NBDY: variants seen among roughly 807,000 people sequenced by gnomAD.
NBDY encodes the protein negative regulator of P-body association, also known as P-body dissociating protein.
rs148353328 is a variant in NBDY at position 56,749,825 on chromosome X, C to T, written c.*166+17626C>T. 4.5e-3 allele frequency among the ~76,000 whole-genome samples: 496 copies of T among 110,239 alleles called. 2 individuals are homozygous for T. Among genetic ancestry groups the T allele is most frequent in the African/African-American group, 0.015 (466 of 30,277 alleles). On this transcript the variant is annotated intron_variant, in intron 2 of 2. Transcript: ENST00000374922. ...TGCCGTCATGCCCAGCTAATTTTTG[C>T]GTTTGTTGTAGAAACGGGGTTTTGC...
At chrX:56,752,802 G>T (rs2069592284) in intron 2 of NBDY, among the ~76,000 whole-genome samples, 2 of 110,074 alleles carry the variant, frequency 1.8e-5, no homozygotes, top group South Asian at 7.9e-4. Context: ...TAGAGACGGG[G>T]GTTTCACCAT....
chrX:56,810,125 G>A (rs1353103168), intron 2 of NBDY, among the ~76,000 whole-genome samples: 1 of 111,908 alleles, frequency 8.9e-6, no homozygotes, highest in Non-Finnish European at 1.9e-5. Flanking sequence ...GAGACCTGCT[G>A]TTAGTCTGAT....
intron 2 of NBDY, among the ~76,000 whole-genome samples, chrX:56,746,309 A>G (rs1204991105): frequency 1.8e-5 from 2 of 110,219 alleles, no homozygotes; most frequent in African/African-American, 6.6e-5. Flanking sequence ...CTCTATATTG[A>G]TCATTTTTAA....
chrX:56,796,296 A>G (rs754656100), intron 2 of NBDY, among the ~76,000 whole-genome samples: 48 of 111,817 alleles, frequency 4.3e-4, no homozygotes, highest in Non-Finnish European at 7.0e-4. Context: ...ACAGGAGGCC[A>G]CTTGGGCTGC....
intron 2 of NBDY, among the ~76,000 whole-genome samples, chrX:56,794,515 G>A (rs929549934): frequency 1.8e-5 from 2 of 112,009 alleles, no homozygotes; most frequent in Non-Finnish European, 3.8e-5. Context: ...GCAACAGTAG[G>A]AGGGTTCTCT....
intron 2 of NBDY, among the ~76,000 whole-genome samples, chrX:56,764,396 G>C (rs983059778): frequency 9.0e-6 from 1 of 111,654 alleles, no homozygotes. Context: ...GACTGGTCTT[G>C]GGGCTGCCTG....
chrX:56,782,261 C>CTCG (rs2069696714), intron 2 of NBDY, among the ~76,000 whole-genome samples: 1 of 46,345 alleles, frequency 2.2e-5, no homozygotes, highest in Non-Finnish European at 5.1e-5. Flanking sequence ...CTTTTAATTC[C>CTCG]TCTTCTCTTT....
chrX:56,809,793 G>A (rs147587311), intron 2 of NBDY, among the ~76,000 whole-genome samples: 1,240 of 111,909 alleles, frequency 0.011, 13 homozygotes, highest in African/African-American at 0.039. Flanking sequence ...TAATCCTGTC[G>A]TTATGATGCT....
chrX:56,732,542 A>G (rs1384033911), intron 2 of NBDY, among the ~76,000 whole-genome samples: 1 of 111,497 alleles, frequency 9.0e-6, no homozygotes, highest in African/African-American at 3.3e-5. Context: ...CTAATAATGT[A>G]TAGATTTTCT....
chrX:56,781,583 A>C (rs928431060), intron 2 of NBDY, among the ~76,000 whole-genome samples: 1 of 110,248 alleles, frequency 9.1e-6, no homozygotes, highest in African/African-American at 3.3e-5. Flanking sequence ...CTCATTGCTC[A>C]CTCTGATTCT....
chrX:56,735,965 G>A (rs1365977177), intron 2 of NBDY, among the ~76,000 whole-genome samples: 1 of 110,591 alleles, frequency 9.0e-6, no homozygotes, highest in Non-Finnish European at 1.9e-5. Flanking sequence ...AAAAAAAATG[G>A]GGGGTGGTTC....
intron 2 of NBDY, among the ~76,000 whole-genome samples, chrX:56,751,971 T>G (rs1168748585): frequency 8.9e-6 from 1 of 112,003 alleles, no homozygotes; most frequent in Non-Finnish European, 1.9e-5. Context: ...TTTCTGTTTC[T>G]GCATTAATTC....
intron 2 of NBDY, among the ~76,000 whole-genome samples, chrX:56,765,952 C>T (rs956262172): frequency 6.3e-5 from 7 of 111,475 alleles, no homozygotes; most frequent in African/African-American, 2.0e-4. Flanking sequence ...TGGGATGTCC[C>T]TCTGCAGAAT....
At chrX:56,739,236 GTGTATATATATATA>G (rs1407497066) in intron 2 of NBDY, among the ~76,000 whole-genome samples, 7 of 58,086 alleles carry the variant, frequency 1.2e-4, no homozygotes, top group African/African-American at 2.0e-4. Context: ...GTGTTTGTGT[GTGTATATATATATA>G]TATATATATA....
chrX:56,730,939 C>A (rs200334632), intron 1 of NBDY, among the ~76,000 whole-genome samples: 1 of 111,002 alleles, frequency 9.0e-6, no homozygotes, highest in Non-Finnish European at 1.9e-5. Flanking sequence ...GTGCAGTAAA[C>A]CTTTATGAAG....
At chrX:56,749,367 C>CCA (rs1556002181) in intron 2 of NBDY, among the ~76,000 whole-genome samples, 1 of 110,622 alleles carries the variant, frequency 9.0e-6, no homozygotes, top group Admixed American at 9.6e-5. Flanking sequence ...GAACTCCATT[C>CCA]TATATATATA....
chrX:56,795,623 CAG>C lies in NBDY; in HGVS notation c.*167-21696_*167-21695del, dbSNP rs537198143. ...CCCCATGGGTAATGATTCCCACAAT[CAG>C]GGGTGCGTGAACCACTCTCACAAGA... On this transcript the variant is annotated intron_variant, in intron 2 of 2. Transcript: ENST00000374922. Among the ~76,000 whole-genome samples the C allele has an allele frequency of 6.3e-4, 71 of 112,229 alleles. No homozygotes were observed. In the South Asian group the frequency reaches 0.026, roughly 41 times the overall value.
chrX:56,742,566 C>T (rs1269407125), intron 2 of NBDY, among the ~76,000 whole-genome samples: 1 of 111,102 alleles, frequency 9.0e-6, no homozygotes, highest in African/African-American at 3.3e-5. Context: ...GAGTTAATTG[C>T]TAGGTATTTA....
intron 2 of NBDY, among the ~76,000 whole-genome samples, chrX:56,815,781 T>G (rs1193132540): frequency 8.9e-6 from 1 of 112,086 alleles, no homozygotes; most frequent in Non-Finnish European, 1.9e-5. Context: ...ATGTGTATAA[T>G]ACAAACTCAT....
Sources: gnomAD v4.1 joint callset for allele counts (sites outside exome capture counted in the v4.1 genomes callset) on GRCh38, gnomAD v4.1.1 for gene constraint, MANE v1.5 for transcripts, NCBI Gene and HGNC (gene_info 2026-07-23, HGNC 2026-07-21) for gene names.